PARD3: variants seen among roughly 807,000 people sequenced by gnomAD.
PARD3 encodes the protein partitioning defective 3 homolog.
A neutral mutation model predicts 155.4 loss-of-function variants in PARD3; 75 were observed. That is an observed-to-expected ratio of 0.48 (90% CI 0.40 to 0.58). PARD3 has a LOEUF of 0.58. PARD3 is among the 20% of genes least tolerant of loss of function. PARD3 has a pLI of 0.00. For synonymous variants in PARD3, 576 were observed against 610.5 expected, an observed-to-expected ratio of 0.94 and a Z score of 0.83; for missense variants, 1,642 against 1,721.7, an observed-to-expected ratio of 0.95 and a Z score of 0.82.
At chr10:34,375,797 T>A (rs371451126) in intron 10 of PARD3, among the ~76,000 whole-genome samples, 2 of 152,136 alleles carry the variant, frequency 1.3e-5, no homozygotes, top group East Asian at 3.8e-4. Context: ...AATTACAGTA[T>A]CAAAATTTTC....
Position 34,384,122 on chromosome 10 carries a change from C to T in PARD3, c.1016+7G>A. 2.5e-6 allele frequency: 4 copies of T among 1,612,958 alleles called. No individual in the cohort carries two copies. The highest frequency in any genetic ancestry group is 3.4e-6 in the Non-Finnish European group (4 of 1,179,590). On this transcript the variant is annotated splice_region_variant and intron_variant, in intron 8 of 24. Coordinates refer to ENST00000374788, the MANE Select transcript of PARD3 (RefSeq NM_001184785.2). ...TAAGAACAGAAGTGCAGCGAGCACA[C>T]ACTTACTGTTCAAATCTTCTATTTC...
rs754421731 is a variant in PARD3 at position 34,131,457 on chromosome 10, A to G, written c.3540+6T>C. The G allele has an allele frequency of 1.2e-6, 2 of 1,613,948 alleles. No homozygotes were observed. Among genetic ancestry groups the G allele is most frequent in the Admixed American group, 1.7e-5 (1 of 60,006 alleles). On this transcript the variant is annotated splice_donor_region_variant and intron_variant, in intron 23 of 24. Coordinates refer to ENST00000374788, the MANE Select transcript of PARD3 (RefSeq NM_001184785.2). ...CATTCACCGTGCTGAAGAACCAATT[A>G]CTTACCCAGGGTTGCTCAAAACTAT...
intron 1 of PARD3, among the ~76,000 whole-genome samples, chr10:34,774,533 T>C (rs763262648): frequency 6.6e-6 from 1 of 152,212 alleles, no homozygotes; most frequent in Non-Finnish European, 1.5e-5. Context: ...AAAAAATACA[T>C]ATTGTTAATT....
intron 22 of PARD3, among the ~76,000 whole-genome samples, chr10:34,260,305 C>T (rs771725199): frequency 3.9e-5 from 6 of 152,298 alleles, no homozygotes; most frequent in Admixed American, 3.9e-4. Context: ...GTATGGTAGA[C>T]ATTAACATGT....
intron 2 of PARD3, among the ~76,000 whole-genome samples, chr10:34,636,431 C>T (rs1033163584): frequency 3.3e-5 from 5 of 152,220 alleles, no homozygotes; most frequent in Non-Finnish European, 7.3e-5. Context: ...TCACTGGGTG[C>T]CCCCTGTCCA....
intron 22 of PARD3, among the ~76,000 whole-genome samples, chr10:34,229,438 G>A (rs1952797148): frequency 6.6e-6 from 1 of 151,900 alleles, no homozygotes; most frequent in Admixed American, 6.6e-5. Flanking sequence ...TCTAGTGATA[G>A]GGTCTTGCTA....
intron 4 of PARD3, among the ~76,000 whole-genome samples, chr10:34,451,378 G>A (rs1225818269): frequency 6.6e-6 from 1 of 152,032 alleles, no homozygotes; most frequent in Non-Finnish European, 1.5e-5. Flanking sequence ...AAGAAGTACT[G>A]GCATATTATC....
At chr10:34,152,656 A>T (rs1396797566) in intron 22 of PARD3, among the ~76,000 whole-genome samples, 1 of 152,176 alleles carries the variant, frequency 6.6e-6, no homozygotes, top group Admixed American at 6.5e-5. Context: ...CATGGCATCT[A>T]ATACTTTATG....
At chr10:34,365,217 T>C (rs1589315852) in intron 12 of PARD3, among the ~76,000 whole-genome samples, 1 of 152,222 alleles carries the variant, frequency 6.6e-6, no homozygotes, top group African/African-American at 2.4e-5. Context: ...TGTGAGGATA[T>C]TGTTTTAATT....
intron 22 of PARD3, among the ~76,000 whole-genome samples, chr10:34,175,802 A>G (rs1416463906): frequency 6.6e-6 from 1 of 152,212 alleles, no homozygotes; most frequent in Non-Finnish European, 1.5e-5. Flanking sequence ...TTTAAAGTAA[A>G]ATTATATGAA....
chr10:34,485,664 C>T (rs1388893369), intron 3 of PARD3, among the ~76,000 whole-genome samples: 1 of 152,044 alleles, frequency 6.6e-6, no homozygotes, highest in African/African-American at 2.4e-5. Context: ...TTGTGGAGCC[C>T]AAGGTTCTTA....
At chr10:34,408,078 G>A (rs2132269657) in intron 5 of PARD3, among the ~76,000 whole-genome samples, 1 of 152,068 alleles carries the variant, frequency 6.6e-6, no homozygotes, top group South Asian at 2.1e-4. Context: ...GGTCCAAGAA[G>A]TAAATATTTT....
rs370105678 is a variant in PARD3, at chr10:34,709,158, G to A, written c.121-12739C>T. On this transcript the variant is annotated intron_variant, in intron 1 of 24. Transcript: ENST00000374788. ...TATTTACATGCACATGAGATTTCTC[G>A]AAGATGGGACCCAAATTTAAACAAA... Among the ~76,000 whole-genome samples the A allele has an allele frequency of 1.5e-4, 23 of 152,038 alleles. No individual in the cohort carries two copies. In the South Asian group the frequency reaches 1.7e-3, roughly 11 times the overall value.
intron 22 of PARD3, among the ~76,000 whole-genome samples, chr10:34,261,785 G>GA (rs781369694): frequency 2.7e-5 from 1 of 37,056 alleles, no homozygotes; most frequent in South Asian, 1.3e-3. Context: ...AGAAAGAAAA[G>GA]AAAGAAAGAA....
At chr10:34,193,969 A>G (rs543419942) in intron 22 of PARD3, among the ~76,000 whole-genome samples, 1 of 152,244 alleles carries the variant, frequency 6.6e-6, no homozygotes, top group East Asian at 1.9e-4. Flanking sequence ...TAGATTTCCT[A>G]TAGCAGCTGC....
At chr10:34,411,127 TAGAC>T (rs1292667016) in intron 5 of PARD3, among the ~76,000 whole-genome samples, 2 of 152,164 alleles carry the variant, frequency 1.3e-5, no homozygotes, top group Non-Finnish European at 2.9e-5. Flanking sequence ...TCTCAGTTCT[TAGAC>T]AGCTGCTCTA....
rs143858666 is a variant in PARD3, at chr10:34,632,264, G to C, written c.222+64054C>G. Among the ~76,000 whole-genome samples the C allele has an allele frequency of 2.6e-5, 4 of 152,290 alleles. No homozygotes were observed. The East Asian group carries it at 7.7e-4, about 29-fold the overall frequency. ...ACAAAGCAAGACCGTGTCTCAAAAA[G>C]AGGACCTCAGCAGTGGACTCCCTGC... On this transcript the variant is annotated intron_variant, in intron 2 of 24. Coordinates refer to ENST00000374788, the MANE Select transcript of PARD3 (RefSeq NM_001184785.2).
At chr10:34,429,740 C>T (rs1006620533) in intron 5 of PARD3, among the ~76,000 whole-genome samples, 13 of 152,292 alleles carry the variant, frequency 8.5e-5, no homozygotes, top group Admixed American at 2.6e-4. Context: ...TGCCCATCAA[C>T]ATGCCCAGCT....
intron 1 of PARD3, among the ~76,000 whole-genome samples, chr10:34,709,378 T>C (rs2133611256): frequency 6.6e-6 from 1 of 152,338 alleles, no homozygotes; most frequent in African/African-American, 2.4e-5. Context: ...CATTTCATAT[T>C]TTCAGATAAC....
Sources: allele counts gnomAD v4.1 joint callset (sites outside exome capture counted in the v4.1 genomes callset), GRCh38; gene constraint gnomAD v4.1.1; transcripts MANE v1.5; gene names NCBI Gene and HGNC (gene_info 2026-07-23, HGNC 2026-07-21).